TAF6: variants seen among roughly 807,000 people sequenced by gnomAD.
TAF6 encodes the protein transcription initiation factor TFIID subunit 6.
Under a neutral mutation model 73.5 loss-of-function variants are expected in TAF6, and 50 were observed. That is an observed-to-expected ratio of 0.68 (90% CI 0.54 to 0.86). The LOEUF is 0.86. Ranked by LOEUF, TAF6 falls within the 40% of genes least tolerant of loss-of-function variation. The pLI, the probability that TAF6 is intolerant of heterozygous loss-of-function variation, is 0.00. For missense variants in TAF6, 768 were observed against 899.5 expected (o/e 0.85, Z 1.87); for synonymous variants, 424 against 376.7 (o/e 1.13, Z -1.45).
chr7:100,122,560 T>C, upstream of TAF6: 1 of 1,610,680 alleles, frequency 6.2e-7, no homozygotes, highest in Non-Finnish European at 8.5e-7. Flanking sequence ...GCGCAAGGGC[T>C]CACTGAGATA....
chr7:100,113,774 G>A lies in TAF6; in HGVS notation c.244-5C>T. 6.2e-7 allele frequency: 1 copy of A among 1,613,860 alleles called. No homozygotes were observed. Among genetic ancestry groups the A allele is most frequent in the Non-Finnish European group, 8.5e-7 (1 of 1,179,886 alleles). On this transcript the variant is annotated splice_polypyrimidine_tract_variant and splice_region_variant and intron_variant, in intron 3 of 14. Coordinates refer to ENST00000453269, the MANE Select transcript of TAF6 (RefSeq NM_139315.3). ...GGCGTGGAAGCCATAGAGTGGCTGT[G>A]GCAGGAGAGAGGGGCATGGGTAAGA...
chr7:100,116,445 C>A (rs1267513691), intron 1 of TAF6: 1 of 152,038 alleles, frequency 6.6e-6, no homozygotes, highest in Non-Finnish European at 1.5e-5. Flanking sequence ...TCAAGACCAG[C>A]CTGGCCAACA....
At chr7:100,113,205 T>C in intron 5 of TAF6, 144 bp downstream of exon 5, 1 of 849,074 alleles carries the variant, frequency 1.2e-6, no homozygotes, top group Non-Finnish European at 1.8e-6. Context: ...GGCACAGGTT[T>C]GCAGTGAGCC....
rs2116689124 is a variant in TAF6 at position 100,107,321 on chromosome 7, A to G, written c.1959T>C (p.Ser653=). Residue 653 remains serine (S), a synonymous_variant, in exon 15 of 15, where the codon AGT becomes AGC. Coordinates refer to ENST00000453269, the MANE Select transcript of TAF6 (RefSeq NM_139315.3). ...LCGGKQEAGD[S]PPPAPGTPKA... ...TTGGAGTCCCTGGAGCTGGAGGGGG[A>G]CTGTCCCCAGCCTCCTGCTTCCCCC... 1 of 1,535,932 alleles carries G rather than the reference A, an allele frequency of 6.5e-7. No homozygotes were observed. Among genetic ancestry groups the G allele is most frequent in the South Asian group, 1.3e-5 (1 of 78,250 alleles).
At chr7:100,121,116 A>ATATATTTT (rs1584585316), upstream of TAF6, 19 of 52,780 alleles carry the variant, frequency 3.6e-4, no homozygotes, top group Admixed American at 5.5e-4. Context: ...ATATATATAT[A>ATATATTTT]TTTTTTTTTT....
chr7:100,116,769 T>C (rs1797709818), intron 1 of TAF6: 1 of 152,242 alleles, frequency 6.6e-6, no homozygotes, highest in Non-Finnish European at 1.5e-5. Flanking sequence ...TCCAGACACA[T>C]ACATTCCTTC....
chr7:100,111,739 G>A lies in TAF6; in HGVS notation c.889C>T (p.Leu297=). Residue 297 remains leucine (L), a synonymous_variant, in exon 9 of 15, where the codon CTA becomes TTA. Transcript: ENST00000453269. ...KALMDNPTLY[L]EKYVHELIPA... is the part of the protein sequence containing the mutation. ...GCAGGATCACTCACGTATTTTTCTAGATAGAGCGTGGGGTTGTCCATCAGC... is the reference window on the plus strand; with the variant it reads ...GCAGGATCACTCACGTATTTTTCTAAATAGAGCGTGGGGTTGTCCATCAGC... 6.2e-7 allele frequency: 1 copy of A among 1,614,172 alleles called. No homozygotes were observed. The highest frequency in any genetic ancestry group is 8.5e-7 in the Non-Finnish European group (1 of 1,180,026).
chr7:100,113,242 TC>T, intron 5 of TAF6, 106 bp downstream of exon 5: 1 of 1,092,352 alleles, frequency 9.2e-7, no homozygotes, highest in Non-Finnish European at 1.3e-6. Flanking sequence ...ACTCCAGCAC[TC>T]CTGCACTCCA....
chr7:100,121,106 ATATATATATATTTTTTTTTTTTTT>A (rs2116886536), upstream of TAF6: 1 of 15,764 alleles, frequency 6.3e-5, no homozygotes, highest in African/African-American at 2.4e-4. Context: ...ATATATATAT[ATATATATATATTTTTTTTTTTTTT>A]TTTTTTTTTT....
chr7:100,112,209 G>T lies in TAF6; in HGVS notation c.619C>A (p.Arg207=). ...APPLLEGAPL[R]LKPRSIHELS... ...TCGTGGATGCTCCGGGGCTTCAGTC[G>T]CAAGGGGGCCCCCTCCAGCAAGGGC... is the stretch of plus-strand genomic sequence containing the variant. The change falls in exon 7 of 15, where the codon CGA becomes AGA. Residue 207 remains arginine, a synonymous_variant. Transcript: ENST00000453269. 1 of 1,614,140 alleles carries T rather than the reference G, an allele frequency of 6.2e-7. No homozygotes were observed. Among genetic ancestry groups the T allele is most frequent in the Non-Finnish European group, 8.5e-7 (1 of 1,180,004 alleles).
intron 13 of TAF6, 80 bp from the exon 14 acceptor site, chr7:100,108,203 C>A (rs562477425): frequency 7.4e-6 from 11 of 1,478,512 alleles, no homozygotes; most frequent in Admixed American, 4.3e-5. Context: ...GGGCTCCCCT[C>A]GCTCTTCCTC....
intron 10 of TAF6, among the ~76,000 whole-genome samples, 164 bp downstream of exon 10, chr7:100,110,975 A>C (rs1032909168): frequency 3.8e-5 from 4 of 103,992 alleles, no homozygotes; most frequent in African/African-American, 1.5e-4. Flanking sequence ...GCGAGACTCC[A>C]TCTCAAAAAA....
chr7:100,108,521 A>G lies in TAF6; in HGVS notation c.1304T>C (p.Leu435Pro). 1 of 1,611,334 alleles carries G rather than the reference A, an allele frequency of 6.2e-7. No homozygotes were observed. The highest frequency in any genetic ancestry group is 1.1e-5 in the South Asian group (1 of 91,004). ...GTCAGGCGGTGGGCGCAGCTTTGCC[A>G]GAACAGGAGCACAGTGTTTCTGCAG... ...SLLLKHCAPV[L>P]AKLRPPPDNQ... The change falls in exon 13 of 15, where the codon CTG (leucine) becomes CCG (proline). Residue 435 changes from leucine (L) to proline (P), a missense_variant. By Grantham distance (98) the Leu-to-Pro change is moderately conservative (BLOSUM62 -3). Transcript: ENST00000453269.
At chr7:100,116,030 A>C (rs1797641979) in intron 1 of TAF6, among the ~76,000 whole-genome samples, 1 of 152,152 alleles carries the variant, frequency 6.6e-6, no homozygotes, top group Non-Finnish European at 1.5e-5. Flanking sequence ...TGCTTGGCCC[A>C]GGTCACCATC....
upstream of TAF6, chr7:100,124,605 G>A: frequency 6.2e-7 from 1 of 1,613,322 alleles, no homozygotes; most frequent in Non-Finnish European, 8.5e-7. Context: ...CTCTGTGAAG[G>A]TCATGTGCTC....
chr7:100,125,056 C>A, the TAF6 span: 1 of 744,036 alleles, frequency 1.3e-6, no homozygotes, highest in Non-Finnish European at 2.1e-6. Flanking sequence ...AACAGCATGA[C>A]ATGGCTTCTG....
Position 100,112,862 on chromosome 7 carries a change from T to C in TAF6, c.510A>G (p.Pro170=). The C allele has an allele frequency of 6.2e-7, 1 of 1,613,996 alleles. No homozygotes were observed. The highest frequency in any genetic ancestry group is 8.5e-7 in the Non-Finnish European group (1 of 1,179,868). Residue 170 remains proline, a synonymous_variant, in exon 6 of 15, where the codon CCA becomes CCG. Transcript: ENST00000453269. ...EATEPLKSAK[P]GQEEDGPLKG... ...TCAGGGGTCCGTCTTCCTCCTGGCC[T>C]GGCTTGGCTGACTTCAGGGGTTCTG...
intron 1 of TAF6, among the ~76,000 whole-genome samples, chr7:100,116,127 G>A (rs1797652214): frequency 6.6e-6 from 1 of 152,078 alleles, no homozygotes; most frequent in African/African-American, 2.4e-5. Flanking sequence ...TCCTAACGTT[G>A]CAGCCAAAAT....
intron 12 of TAF6, among the ~76,000 whole-genome samples, chr7:100,109,598 G>A (rs1208337320): frequency 1.3e-5 from 2 of 151,106 alleles, no homozygotes; most frequent in African/African-American, 4.9e-5. Flanking sequence ...CTGGGTTCAA[G>A]CAATCCTCCC....
Sources: allele counts gnomAD v4.1 joint callset (sites outside exome capture counted in the v4.1 genomes callset), GRCh38; gene constraint gnomAD v4.1.1; transcripts MANE v1.5; gene names NCBI Gene and HGNC (gene_info 2026-07-23, HGNC 2026-07-21).